NHSL2: variants seen among roughly 807,000 people sequenced by gnomAD.
The protein encoded by NHSL2 is NHS like 2.
NHSL2 carries 27 observed loss-of-function variants against 53.4 expected under a neutral mutation model. The observed-to-expected ratio is 0.51, with a 90% CI of 0.37 to 0.70. The LOEUF is 0.70. Among genes scored for constraint, NHSL2 ranks in the 30% least tolerant of loss-of-function variants. The pLI is 0.00. For missense variants in NHSL2, 892 were observed against 980.1 expected (o/e 0.91, Z 1.20); for synonymous variants, 408 against 404.1 (o/e 1.01, Z -0.12).
chrX:72,144,351 A>G lies in NHSL2; in HGVS notation c.*777A>G. The G allele has an allele frequency of 3.6e-6, 1 of 278,487 alleles. No individual in the cohort carries two copies. Among genetic ancestry groups the G allele is most frequent in the Non-Finnish European group, 6.5e-6 (1 of 153,889 alleles). 23.0% of individuals were successfully genotyped at this position (278,487 alleles called of 1,213,427 possible). On this transcript the variant is annotated 3_prime_UTR_variant, in exon 8 of 8. Transcript: ENST00000633930. Reference sequence around the variant, plus strand: ...AAACAAGACAGCCATTTGTTCACTCAGATCTAGCCGAGGTAACTCACAAGT... The same window carrying G: ...AAACAAGACAGCCATTTGTTCACTCGGATCTAGCCGAGGTAACTCACAAGT...
chrX:72,010,869 T>C (rs1454096699), intron 1 of NHSL2, among the ~76,000 whole-genome samples: 1 of 111,894 alleles, frequency 8.9e-6, no homozygotes, highest in African/African-American at 3.3e-5. Flanking sequence ...ATACAGAATA[T>C]TTCCATCACC....
intron 1 of NHSL2, among the ~76,000 whole-genome samples, chrX:72,066,345 A>C (rs2042429264): frequency 8.9e-6 from 1 of 112,081 alleles, no homozygotes; most frequent in African/African-American, 3.2e-5. Flanking sequence ...AAAGCACTGA[A>C]TGTGGAGATA....
chrX:71,947,253 G>T (rs749432353), intron 1 of NHSL2, among the ~76,000 whole-genome samples: 1 of 111,415 alleles, frequency 9.0e-6, no homozygotes, highest in Non-Finnish European at 1.9e-5. Context: ...AGCCCATCAG[G>T]GCTTCCCTCT....
At chrX:71,980,013 T>C (rs1475331515) in intron 1 of NHSL2, among the ~76,000 whole-genome samples, 2 of 112,243 alleles carry the variant, frequency 1.8e-5, no homozygotes, top group African/African-American at 6.5e-5. Flanking sequence ...ATTTATTAAA[T>C]AGGGAATCCT....
intron 1 of NHSL2, among the ~76,000 whole-genome samples, chrX:71,981,372 C>T (rs1445120080): frequency 9.1e-6 from 1 of 109,860 alleles, no homozygotes; most frequent in African/African-American, 3.3e-5. Context: ...ATGGCGAAAC[C>T]CCATCTCTTT....
intron 1 of NHSL2, among the ~76,000 whole-genome samples, chrX:71,959,611 C>T (rs2090554909): frequency 9.0e-6 from 1 of 111,048 alleles, no homozygotes; most frequent in Non-Finnish European, 1.9e-5. Flanking sequence ...CTGTGACCCC[C>T]CAATCCCTCA....
At chrX:72,108,387 G>A (rs750319441) in intron 1 of NHSL2, among the ~76,000 whole-genome samples, 52 of 112,581 alleles carry the variant, frequency 4.6e-4, no homozygotes, top group Non-Finnish European at 8.3e-4. Flanking sequence ...TTCACTCACT[G>A]CGTCATCACA....
Position 72,049,008 on chromosome X carries a change from A to AGG in NHSL2, c.281-83071_281-83070insGG, listed in dbSNP as rs1177579840. Among the ~76,000 whole-genome samples, 596 of 93,214 alleles carry AGG rather than the reference A, an allele frequency of 6.4e-3. 2 individuals are homozygous for AGG. The highest frequency in any genetic ancestry group is 0.011 in the Middle Eastern group (2 of 189). 80.9% of individuals were successfully genotyped at this position (93,214 alleles called of 115,157 possible). On this transcript the variant is annotated intron_variant, in intron 1 of 7. Coordinates refer to ENST00000633930, the MANE Select transcript of NHSL2 (RefSeq NM_001013627.3). ...GGAGGAGAAGAAGAAGAAGAAGAAGAAGAAGAGGAAGAGGAAGAGGAAGAG... is the reference window on the plus strand; with the variant it reads ...GGAGGAGAAGAAGAAGAAGAAGAAGAGGAGAAGAGGAAGAGGAAGAGGAAGAG...
rs1380496340 is a variant in NHSL2 at position 72,152,676 on chromosome X, T to C, written c.*9102T>C. The stretch of plus-strand genomic sequence containing the variant: ...CATTTGAGCCCAGGGATCTACCCAC[T>C]TACTGAAATCTAAATTTTAAAAAAT... On this transcript the variant is annotated 3_prime_UTR_variant, in exon 8 of 8. Transcript: ENST00000633930. The C allele has an allele frequency of 8.9e-6, 1 of 112,497 alleles. No individual in the cohort carries two copies. Among genetic ancestry groups the C allele is most frequent in the Non-Finnish European group, 1.9e-5 (1 of 53,322 alleles). The allele number at this position is 112,497 out of a possible 1,213,427, so 9.3% of individuals were successfully genotyped here. A position where few individuals can be genotyped will look rare whatever the true frequency, so the allele number is the denominator to read the frequency against.
intron 1 of NHSL2, among the ~76,000 whole-genome samples, chrX:71,996,367 A>C (rs2042050320): frequency 1.8e-5 from 2 of 112,930 alleles, no homozygotes; most frequent in Admixed American, 9.3e-5. Context: ...TCATTCAGCC[A>C]GGCCAGCTGT....
chrX:71,944,515 A>G (rs988408605), intron 1 of NHSL2, among the ~76,000 whole-genome samples: 8 of 112,079 alleles, frequency 7.1e-5, no homozygotes, highest in Non-Finnish European at 5.6e-5. Flanking sequence ...TGGAAGGTCA[A>G]GCTGGTCATA....
At chrX:72,070,804 TC>T (rs1456661934) in intron 1 of NHSL2, among the ~76,000 whole-genome samples, 1 of 110,671 alleles carries the variant, frequency 9.0e-6, no homozygotes, top group Non-Finnish European at 1.9e-5. Context: ...AGCCTGCAGT[TC>T]CCTCTGTGCC....
chrX:71,910,960 C>T lies in NHSL2; in HGVS notation c.-128C>T. On this transcript the variant is annotated 5_prime_UTR_variant, in exon 1 of 8. Coordinates refer to ENST00000633930, the MANE Select transcript of NHSL2 (RefSeq NM_001013627.3). ...CTTTGGCGCCCGCACGCTCTCCGGC[C>T]CGCGCCCAGGGGCCTGCTACACCCG... The T allele has an allele frequency of 2.0e-6, 1 of 491,218 alleles. No homozygotes were observed. The highest frequency in any genetic ancestry group is 2.8e-6 in the Non-Finnish European group (1 of 357,628). 40.5% of individuals were successfully genotyped at this position (491,218 alleles called of 1,213,427 possible).
chrX:71,923,362 A>G (rs747372031), intron 1 of NHSL2, among the ~76,000 whole-genome samples: 16 of 112,064 alleles, frequency 1.4e-4, no homozygotes, highest in African/African-American at 5.2e-4. Context: ...CAATTTTAAA[A>G]AGTCACCCTT....
chrX:72,007,781 C>T (rs1163382593), intron 1 of NHSL2, among the ~76,000 whole-genome samples: 2 of 113,421 alleles, frequency 1.8e-5, no homozygotes, highest in African/African-American at 3.2e-5. Context: ...ATCCTCTCCC[C>T]TTGATGAGCG....
At chrX:72,131,010 A>T in intron 1 of NHSL2, 1 of 1,210,741 alleles carries the variant, frequency 8.3e-7, no homozygotes, top group Non-Finnish European at 1.1e-6. Flanking sequence ...AATGAACCTC[A>T]TGGTCGGCTA....
At position 72,141,091 on chromosome X, in the gene NHSL2, A is replaced by G. The variant is rs1001556253; in HGVS notation, c.3223+320A>G. On this transcript the variant is annotated intron_variant, in intron 6 of 7. Coordinates refer to ENST00000633930, the MANE Select transcript of NHSL2 (RefSeq NM_001013627.3). ...CAGCATCCCACATCCCTAGCCAAGC[A>G]TGCATCCTGTCTTGGGAACTACTCC... 1.6e-5 allele frequency: 3 copies of G among 188,393 alleles called. No individual in the cohort carries two copies. The Admixed American group carries it at 2.1e-4, about 13-fold the overall frequency. The allele number at this position is 188,393 out of a possible 1,213,427, so 15.5% of individuals were successfully genotyped here. A position where few individuals can be genotyped will look rare whatever the true frequency, so the allele number is the denominator to read the frequency against.
At chrX:72,022,064 C>T (rs2042162959) in intron 1 of NHSL2, among the ~76,000 whole-genome samples, 1 of 111,877 alleles carries the variant, frequency 8.9e-6, no homozygotes, top group Non-Finnish European at 1.9e-5. Context: ...AGGCACTCTA[C>T]CTGCTTCTCA....
At chrX:71,960,521 T>C (rs776459106) in intron 1 of NHSL2, among the ~76,000 whole-genome samples, 1 of 112,390 alleles carries the variant, frequency 8.9e-6, no homozygotes, top group African/African-American at 3.2e-5. Flanking sequence ...AATTTATTGG[T>C]TTAGTTCTTA....
Sources: allele counts gnomAD v4.1 joint callset (sites outside exome capture counted in the v4.1 genomes callset), GRCh38; gene constraint gnomAD v4.1.1; transcripts MANE v1.5; gene names NCBI Gene and HGNC (gene_info 2026-07-23, HGNC 2026-07-21).